Variants in CAMTA1 observed in about 807,000 individuals in gnomAD.
CAMTA1 encodes the protein calmodulin-binding transcription activator 1.
CAMTA1 carries 27 observed loss-of-function variants against 170.9 expected under a neutral mutation model. That is an observed-to-expected ratio of 0.16 (90% confidence interval 0.12 to 0.22). The LOEUF (loss-of-function observed/expected upper bound fraction) is 0.22, where lower values mean the gene tolerates loss of function less well. Among genes scored for constraint, CAMTA1 ranks in the 10% least tolerant of loss-of-function variants. The pLI, the probability that CAMTA1 is intolerant of heterozygous loss-of-function variation, is 1.00. For missense variants in CAMTA1, 1,619 were observed against 2,217.2 expected, an observed-to-expected ratio of 0.73 and a Z score of 5.42; for synonymous variants, 833 against 891.5, an observed-to-expected ratio of 0.93 and a Z score of 1.17.
At chr1:6,869,959 G>A (rs955682419) in intron 3 of CAMTA1, among the ~76,000 whole-genome samples, 2 of 152,126 alleles carry the variant, frequency 1.3e-5, no homozygotes, top group African/African-American at 4.8e-5. Context: ...CTTTAAAAAA[G>A]CATCTGTGAA....
chr1:7,530,673 A>G (rs1380345307), intron 6 of CAMTA1, among the ~76,000 whole-genome samples: 1 of 152,070 alleles, frequency 6.6e-6, no homozygotes, highest in Non-Finnish European at 1.5e-5. Context: ...CTGCATATGG[A>G]GCACACAGTA....
In CAMTA1 at chr1:7,136,684, A is replaced by C. The variant is rs12074985; in HGVS notation, c.302+45313A>C. On this transcript the variant is annotated intron_variant, in intron 4 of 22. Coordinates refer to ENST00000303635, the MANE Select transcript of CAMTA1 (RefSeq NM_015215.4). ...GCTTTTGCCTTTACTCTGTGGGAAA[A>C]GCTCTTGTTAAGGCTGCCAAGTGCA... is the stretch of plus-strand genomic sequence containing the variant. Among the ~76,000 whole-genome samples, 142 of 152,160 alleles carry C rather than the reference A, an allele frequency of 9.3e-4. 1 individual carries two copies. The highest frequency in any genetic ancestry group is 5.1e-4 in the Non-Finnish European group (35 of 68,000).
At chr1:7,241,210 A>G (rs1047491856) in intron 4 of CAMTA1, among the ~76,000 whole-genome samples, 7 of 152,238 alleles carry the variant, frequency 4.6e-5, no homozygotes, top group Admixed American at 3.9e-4. Context: ...AAAATAATAA[A>G]GTGCATAGGA....
chr1:7,602,934 G>A (rs1288554995), intron 6 of CAMTA1, among the ~76,000 whole-genome samples: 1 of 152,192 alleles, frequency 6.6e-6, no homozygotes, highest in Non-Finnish European at 1.5e-5. Context: ...TTCAGGAGCA[G>A]GTTGTTCAGT....
At chr1:7,619,246 TG>T (rs1395951491) in intron 6 of CAMTA1, among the ~76,000 whole-genome samples, 3 of 152,210 alleles carry the variant, frequency 2.0e-5, no homozygotes, top group African/African-American at 7.2e-5. Context: ...CAACTCAAAT[TG>T]GCCTAAGCAA....
chr1:6,892,376 C>T (rs1036641689), intron 3 of CAMTA1, among the ~76,000 whole-genome samples: 8 of 152,116 alleles, frequency 5.3e-5, no homozygotes, highest in Non-Finnish European at 1.0e-4. Context: ...ATCTTGTTTG[C>T]GATCTGTGGG....
At chr1:7,194,247 T>C (rs1655103594) in intron 4 of CAMTA1, among the ~76,000 whole-genome samples, 2 of 152,222 alleles carry the variant, frequency 1.3e-5, no homozygotes, top group South Asian at 2.1e-4. Context: ...TTTTGGTACG[T>C]TGGTTTTAAA....
chr1:6,956,786 C>T (rs914215170), intron 3 of CAMTA1, among the ~76,000 whole-genome samples: 5 of 152,310 alleles, frequency 3.3e-5, no homozygotes, highest in East Asian at 3.9e-4. Flanking sequence ...CTCTGTCTGT[C>T]GGGACTGTGG....
rs1368311187 is a variant in CAMTA1, at chr1:7,010,928, G to A, written c.235-80376G>A. 6.6e-6 allele frequency among the ~76,000 whole-genome samples: 1 copy of A among 152,190 alleles called. No homozygotes were observed. The highest frequency in any genetic ancestry group is 1.5e-5 in the Non-Finnish European group (1 of 68,032). Reference sequence around the variant, plus strand: ...GCAGCAGCTGAGCACTGAGCCCTGGGAACACCTGTGCCCAGGTGCAGGTGC... The same window carrying A: ...GCAGCAGCTGAGCACTGAGCCCTGGAAACACCTGTGCCCAGGTGCAGGTGC... On this transcript the variant is annotated intron_variant, in intron 3 of 22. Transcript: ENST00000303635. This position sits in a 1 kb window ranked among gnomAD's most constrained non-coding sequence, Gnocchi z 4.4.
chr1:7,243,053 T>G (rs192736279), intron 4 of CAMTA1, among the ~76,000 whole-genome samples: 37 of 152,336 alleles, frequency 2.4e-4, no homozygotes, highest in Admixed American at 7.8e-4. Context: ...TGAATTTGTA[T>G]GTGTAAGTGG....
In CAMTA1 at chr1:7,041,600, GA is replaced by G. The variant is rs1261240791; in HGVS notation, c.235-49702del. ...AAATGTGAAACATTATTATGTTATA[GA>G]ATATTGGAGTGAAGAAATACGCATA... On this transcript the variant is annotated intron_variant, in intron 3 of 22. Coordinates refer to ENST00000303635, the MANE Select transcript of CAMTA1 (RefSeq NM_015215.4). This position sits in a 1 kb window ranked among gnomAD's most constrained non-coding sequence, Gnocchi z 5.1. Among the ~76,000 whole-genome samples, 1 of 152,208 alleles carries G rather than the reference GA, an allele frequency of 6.6e-6. No individual in the cohort carries two copies. Among genetic ancestry groups the G allele is most frequent in the African/African-American group, 2.4e-5 (1 of 41,448 alleles).
chr1:7,564,367 A>T (rs546495465), intron 6 of CAMTA1, among the ~76,000 whole-genome samples: 112 of 152,302 alleles, frequency 7.4e-4, no homozygotes, highest in African/African-American at 2.6e-3. Flanking sequence ...GGGCCGTGGG[A>T]GGGACAGCGG....
chr1:6,975,339 G>A (rs1286756358), intron 3 of CAMTA1, among the ~76,000 whole-genome samples: 1 of 152,200 alleles, frequency 6.6e-6, no homozygotes, highest in Non-Finnish European at 1.5e-5. Flanking sequence ...CATGGTTAGC[G>A]TCACTGCATG....
chr1:7,370,002 C>T (rs1335894012), intron 5 of CAMTA1: 1 of 152,340 alleles, frequency 6.6e-6, no homozygotes, highest in African/African-American at 2.4e-5. Context: ...AGGCCCTTGC[C>T]ATGGCCCACT....
At chr1:7,392,818 G>A (rs1168371039) in intron 5 of CAMTA1, among the ~76,000 whole-genome samples, 1 of 152,014 alleles carries the variant, frequency 6.6e-6, no homozygotes, top group African/African-American at 2.4e-5. Flanking sequence ...AGATTGCAGT[G>A]AGCCGAGATC....
At chr1:7,161,982 G>A (rs6678950) in intron 4 of CAMTA1, among the ~76,000 whole-genome samples, 3 of 152,020 alleles carry the variant, frequency 2.0e-5, no homozygotes, top group Admixed American at 6.6e-5. Context: ...AGATCCTCTC[G>A]CCTGAGAATA....
At chr1:6,902,883 C>A (rs978141636) in intron 3 of CAMTA1, among the ~76,000 whole-genome samples, 1 of 152,102 alleles carries the variant, frequency 6.6e-6, no homozygotes, top group Non-Finnish European at 1.5e-5. Flanking sequence ...TAGTCCAACC[C>A]CTTGGGAGAC....
At position 7,078,728 on chromosome 1, in the gene CAMTA1, C is replaced by T. The variant is rs183349788; in HGVS notation, c.235-12576C>T. Among the ~76,000 whole-genome samples the T allele has an allele frequency of 2.8e-4, 42 of 152,318 alleles. No homozygotes were observed. In the East Asian group the frequency reaches 5.8e-3, roughly 21 times the overall value. ...TAAATATTTTCAGCTATTAGATGAT[C>T]GTCAGAGTAGGACTGTGGTTGCTAA... On this transcript the variant is annotated intron_variant, in intron 3 of 22. Transcript: ENST00000303635.
At chr1:7,323,014 C>T (rs931658572) in intron 5 of CAMTA1, among the ~76,000 whole-genome samples, 2 of 134,024 alleles carry the variant, frequency 1.5e-5, no homozygotes, top group Non-Finnish European at 1.6e-5. Flanking sequence ...TCCCTTCCCT[C>T]CCTCCCTCCT....
Sources: gnomAD v4.1 joint callset for allele counts (sites outside exome capture counted in the v4.1 genomes callset) on GRCh38, gnomAD v4.1.1 for gene constraint, Gnocchi (gnomAD v3.1) non-coding constraint, MANE v1.5 for transcripts, NCBI Gene and HGNC (gene_info 2026-07-23, HGNC 2026-07-21) for gene names.